The following IRAK3 variants were observed in gnomAD, a reference collection of about 807,000 sequenced individuals.
IRAK3 encodes interleukin-1 receptor-associated kinase 3.
IRAK3 carries 57 observed loss-of-function variants against 56.6 expected under a neutral mutation model. That is an observed-to-expected ratio of 1.01 (90% CI 0.81 to 1.26). The LOEUF (loss-of-function observed/expected upper bound fraction) is 1.26, where lower values mean the gene tolerates loss of function less well. IRAK3 is among the 50% of genes most tolerant of loss of function. IRAK3 has a pLI of 0.00. For missense variants in IRAK3, 703 were observed against 719.0 expected (o/e 0.98, Z 0.25); for synonymous variants, 258 against 255.7 (o/e 1.01, Z -0.09).
At chr12:66,239,359 G>A (rs1252006807) in intron 8 of IRAK3, among the ~76,000 whole-genome samples, 1 of 150,862 alleles carries the variant, frequency 6.6e-6, no homozygotes, top group African/African-American at 2.4e-5. Flanking sequence ...GTGAGTGCAT[G>A]GGTAATTTCC....
chr12:66,233,670 C>A (rs988912503), intron 8 of IRAK3, among the ~76,000 whole-genome samples: 5 of 151,384 alleles, frequency 3.3e-5, no homozygotes, highest in African/African-American at 7.3e-5. Flanking sequence ...AAAAAAAAAA[C>A]ACAGATTAAA....
intron 8 of IRAK3, among the ~76,000 whole-genome samples, chr12:66,236,335 G>A (rs972393592): frequency 6.7e-6 from 1 of 149,846 alleles, no homozygotes; most frequent in Non-Finnish European, 1.5e-5. Context: ...GATCACTTGA[G>A]GTCAGGAGTT....
At position 66,209,495 on chromosome 12, in the gene IRAK3, G is replaced by A. The variant is rs763220527; in HGVS notation, c.356G>A (p.Gly119Asp). 1.9e-6 allele frequency: 3 copies of A among 1,601,388 alleles called. No homozygotes were observed. The East Asian group carries it at 6.7e-5, about 36-fold the overall frequency. ...CCTTCAGAGAAGAGTTATCAGGAAG[G>A]TGGATTTCCAAATATATTATTCAAG... ...LSPSEKSYQE[G>D]GFPNILFKET... Residue 119 changes from glycine to aspartate, a missense_variant, in exon 3 of 12, where the codon GGT becomes GAT. Transcript: ENST00000261233.
At chr12:66,234,418 A>C in intron 8 of IRAK3, 1 of 1,611,138 alleles carries the variant, frequency 6.2e-7, no homozygotes, top group Non-Finnish European at 8.5e-7. Context: ...CAGGAGATAC[A>C]ATATAGGGTG....
intron 8 of IRAK3, among the ~76,000 whole-genome samples, chr12:66,240,882 C>T: frequency 6.6e-6 from 1 of 150,840 alleles, no homozygotes; most frequent in East Asian, 1.9e-4. Flanking sequence ...ATATATCTCT[C>T]TCTCTTTAAA....
chr12:66,203,724 AAG>A lies in IRAK3; in HGVS notation c.148_149del (p.Ser50GlnfsTer9). On this transcript the variant is annotated frameshift_variant, in exon 2 of 12. Transcript: ENST00000261233. LOFTEE classifies it high-confidence loss of function. ...GWRGLAERLS[S>X]SWLDVRHIEK... Reference sequence around the variant, plus strand: ...CAATTTCCACAGCAGAGAGACTTTCAAGCAGCTGGCTGGATGTTCGTCATATT... The same window carrying A: ...CAATTTCCACAGCAGAGAGACTTTCACAGCTGGCTGGATGTTCGTCATATT... The A allele has an allele frequency of 6.2e-7, 1 of 1,614,090 alleles. No homozygotes were observed. The highest frequency in any genetic ancestry group is 1.7e-4 in the Middle Eastern group (1 of 6,058).
chr12:66,250,567 A>G lies in IRAK3; in HGVS notation c.*2396A>G, dbSNP rs1182466739. 6.6e-6 allele frequency: 1 copy of G among 152,210 alleles called. No individual in the cohort carries two copies. The highest frequency in any genetic ancestry group is 6.5e-5 in the Admixed American group (1 of 15,278). The allele number at this position is 152,210 out of a possible 1,614,324, so 9.4% of individuals were successfully genotyped here. On this transcript the variant is annotated 3_prime_UTR_variant, in exon 12 of 12. Transcript: ENST00000261233. ...CTCTGTACGGTATCTGGCTGCTCAG[A>G]GCTCTCTGATTCACAAAAGAGATCA...
chr12:66,244,631 T>C lies in IRAK3; in HGVS notation c.1033T>C (p.Tyr345His). The C allele has an allele frequency of 6.2e-7, 1 of 1,613,726 alleles. No individual in the cohort carries two copies. Among genetic ancestry groups the C allele is most frequent in the East Asian group, 2.2e-5 (1 of 44,840 alleles). The change falls in exon 9 of 12, where the codon TAC (tyrosine) becomes CAC (histidine). Residue 345 changes from tyrosine (Y) to histidine (H), a missense_variant. By Grantham distance (83) the Tyr-to-His change is moderately conservative. Transcript: ENST00000261233. ...ACATCTGTGGTACATGCCAGAAGAG[T>C]ACATCAGACAGGGGAAACTTTCCAT... ...SKHLWYMPEE[Y>H]IRQGKLSIKT...
intron 8 of IRAK3, among the ~76,000 whole-genome samples, chr12:66,240,815 C>T (rs931445841): frequency 8.1e-5 from 12 of 148,030 alleles, no homozygotes; most frequent in Non-Finnish European, 1.2e-4. Flanking sequence ...TATATATATA[C>T]CCACATATAT....
intron 5 of IRAK3, among the ~76,000 whole-genome samples, chr12:66,215,891 G>A (rs1440287965): frequency 2.6e-5 from 4 of 150,948 alleles, no homozygotes; most frequent in Non-Finnish European, 4.4e-5. Context: ...TTAAAGAAAT[G>A]CAGTTTTGTA....
chr12:66,245,265 G>A lies in IRAK3; in HGVS notation c.1314+3G>A. On this transcript the variant is annotated splice_donor_region_variant and intron_variant, in intron 11 of 11. Coordinates refer to ENST00000261233, the MANE Select transcript of IRAK3 (RefSeq NM_007199.3). ...AGTTAAGACCATCAATGGATGAAGT[G>A]AGTATATACATGGTTTTATTCAAAA... The A allele has an allele frequency of 6.2e-7, 1 of 1,613,942 alleles. No homozygotes were observed. Among genetic ancestry groups the A allele is most frequent in the Non-Finnish European group, 8.5e-7 (1 of 1,179,908 alleles).
Position 66,248,144 on chromosome 12 carries a change from T to A in IRAK3, c.1764T>A (p.Asp588Glu). Residue 588 changes from aspartate to glutamate, a missense_variant, in exon 12 of 12, where the codon GAT becomes GAA. Transcript: ENST00000261233. Reference protein sequence around the residue: ...ESSCSSKFSWDEYEQYKKE With the variant: ...ESSCSSKFSWEEYEQYKKE ...GCTGTTCCTCCAAATTTTCCTGGGA[T>A]GAATATGAACAGTACAAAAAAGAAT... 5 of 1,612,726 alleles carry A rather than the reference T, an allele frequency of 3.1e-6. No individual in the cohort carries two copies. The highest frequency in any genetic ancestry group is 4.2e-6 in the Non-Finnish European group (5 of 1,179,512).
At chr12:66,239,057 A>G (rs1183634218) in intron 8 of IRAK3, among the ~76,000 whole-genome samples, 2 of 152,306 alleles carry the variant, frequency 1.3e-5, no homozygotes, top group Non-Finnish European at 2.9e-5. Flanking sequence ...TTGTTTTCAC[A>G]TTTATGAACT....
chr12:66,223,463 T>C (rs916263749), intron 6 of IRAK3, among the ~76,000 whole-genome samples: 3 of 151,662 alleles, frequency 2.0e-5, no homozygotes, highest in African/African-American at 7.3e-5. Flanking sequence ...ATCAAGACCA[T>C]CCTGGCTAAC....
chr12:66,225,823 A>G (rs559258018), intron 6 of IRAK3, among the ~76,000 whole-genome samples: 1 of 152,172 alleles, frequency 6.6e-6, no homozygotes, highest in Non-Finnish European at 1.5e-5. Flanking sequence ...TGTTCTCAAC[A>G]TCAAACATTA....
intron 8 of IRAK3, among the ~76,000 whole-genome samples, chr12:66,241,840 C>A (rs1158456440): frequency 2.0e-5 from 3 of 152,226 alleles, no homozygotes; most frequent in Admixed American, 2.0e-4. Flanking sequence ...CAACTCCCTT[C>A]TGCCCAACTT....
intron 8 of IRAK3, among the ~76,000 whole-genome samples, chr12:66,228,969 C>A (rs1428064880): frequency 6.6e-6 from 1 of 152,168 alleles, no homozygotes; most frequent in African/African-American, 2.4e-5. Context: ...GATGTAACCT[C>A]ATAAGTTGAG....
At chr12:66,214,370 C>A (rs900119765) in intron 5 of IRAK3, among the ~76,000 whole-genome samples, 38 of 144,946 alleles carry the variant, frequency 2.6e-4, no homozygotes, top group African/African-American at 9.6e-4. Context: ...CCAAGAAATA[C>A]AAAAAAAAAA....
intron 1 of IRAK3, among the ~76,000 whole-genome samples, 164 bp from the exon 2 acceptor site, chr12:66,203,547 C>T (rs1409353082): frequency 6.6e-6 from 1 of 152,060 alleles, no homozygotes; most frequent in Admixed American, 6.6e-5. Flanking sequence ...TCAACATTAG[C>T]AGAAGGCAGG....
Sources: allele counts gnomAD v4.1 joint callset (sites outside exome capture counted in the v4.1 genomes callset), GRCh38; gene constraint gnomAD v4.1.1; transcripts MANE v1.5; gene names NCBI Gene and HGNC (gene_info 2026-07-23, HGNC 2026-07-21).